The following MORC1 variants were observed in gnomAD, a reference collection of about 807,000 sequenced individuals.
MORC1 encodes the protein MORC family CW-type zinc finger protein 1.
MORC1 carries 59 observed loss-of-function variants against 134.9 expected under a neutral mutation model. The ratio of observed to expected loss-of-function variants is 0.44; its 90% CI spans 0.35 to 0.54. The LOEUF is 0.54. Ranked by LOEUF, MORC1 falls within the 20% of genes least tolerant of loss-of-function variation. The pLI, the probability that MORC1 is intolerant of heterozygous loss-of-function variation, is 0.00. For synonymous variants in MORC1, 395 were observed against 391.7 expected, an observed-to-expected ratio of 1.01 and a Z score of -0.10; for missense variants, 947 against 1,134.5, an observed-to-expected ratio of 0.83 and a Z score of 2.37.
At chr3:109,019,032 C>T (rs1192694911) in intron 17 of MORC1, 1 of 152,182 alleles carries the variant, frequency 6.6e-6, no homozygotes, top group African/African-American at 2.4e-5. Context: ...AATGCTGCGC[C>T]TCCTCGTGGT....
At chr3:109,007,938 T>C (rs183378799) in intron 17 of MORC1, among the ~76,000 whole-genome samples, 6 of 150,706 alleles carry the variant, frequency 4.0e-5, no homozygotes, top group East Asian at 3.9e-4. Context: ...TAAGCACATA[T>C]ATATGTGTGT....
intron 25 of MORC1, 76 bp downstream of exon 25, chr3:108,971,254 A>C: frequency 7.4e-7 from 1 of 1,352,496 alleles, no homozygotes; most frequent in Non-Finnish European, 1.1e-6. Flanking sequence ...TCTTATTGGA[A>C]ACACTTTACA....
At chr3:108,960,710 C>G (rs1947056970) in intron 27 of MORC1, among the ~76,000 whole-genome samples, 1 of 151,956 alleles carries the variant, frequency 6.6e-6, no homozygotes, top group African/African-American at 2.4e-5. Context: ...CTGCTTATTC[C>G]TCTCATCAGA....
chr3:109,069,489 C>A lies in MORC1; in HGVS notation c.815+143G>T, dbSNP rs76049377. The A allele has an allele frequency of 1.6e-3, 1,166 of 748,632 alleles. 20 individuals carry two copies. The African/African-American group carries it at 0.018, about 12-fold the overall frequency. 46.4% of individuals were successfully genotyped at this position (748,632 alleles called of 1,614,324 possible). A position where few individuals can be genotyped will look rare whatever the true frequency, so the allele number is the denominator to read the frequency against. On this transcript the variant is annotated intron_variant, in intron 9 of 27. Transcript: ENST00000232603. ...TTCACATCCAATTACTCTTTAGCAT[C>A]CCTTCCTGGATGTGGTTTAAATTTT...
chr3:109,075,259 T>C (rs79228649), intron 8 of MORC1, among the ~76,000 whole-genome samples: 177 of 152,296 alleles, frequency 1.2e-3, no homozygotes, highest in African/African-American at 4.0e-3. Context: ...TAAGAATACA[T>C]ATTATTCTCC....
rs758232998 is a variant in MORC1 at position 109,000,707 on chromosome 3, T to C, written c.2086-49A>G. On this transcript the variant is annotated intron_variant, in intron 20 of 27. Coordinates refer to ENST00000232603, the MANE Select transcript of MORC1 (RefSeq NM_014429.4). ...AAATACAAGGATTAGTGGCAATCAA[T>C]GGTACATACTAAACTACCTTCACTC... 2.0e-5 allele frequency: 27 copies of C among 1,348,698 alleles called. 1 individual carries two copies. Among genetic ancestry groups the C allele is most frequent in the South Asian group, 1.6e-4 (13 of 81,504 alleles). The allele number at this position is 1,348,698 out of a possible 1,614,324, so 83.5% of individuals were successfully genotyped here.
intron 18 of MORC1, among the ~76,000 whole-genome samples, chr3:109,006,502 G>A (rs892580170): frequency 6.6e-6 from 1 of 152,162 alleles, no homozygotes; most frequent in Non-Finnish European, 1.5e-5. Flanking sequence ...TCGTCTGCCT[G>A]TTAAGAAATG....
At chr3:109,017,096 T>C (rs1446652244) in intron 17 of MORC1, among the ~76,000 whole-genome samples, 1 of 152,192 alleles carries the variant, frequency 6.6e-6, no homozygotes, top group Non-Finnish European at 1.5e-5. Flanking sequence ...GTCTATTTCT[T>C]TACTTTCCAT....
chr3:109,108,757 G>A (rs897041513), intron 3 of MORC1, among the ~76,000 whole-genome samples: 5 of 152,184 alleles, frequency 3.3e-5, no homozygotes, highest in East Asian at 1.9e-4. Flanking sequence ...AAAATTAGCC[G>A]GGCATGGTGG....
chr3:109,049,816 T>C (rs1949779371), intron 14 of MORC1, among the ~76,000 whole-genome samples: 1 of 152,180 alleles, frequency 6.6e-6, no homozygotes, highest in Non-Finnish European at 1.5e-5. Context: ...AAGATGAGGA[T>C]CCCATTTCAG....
At chr3:109,040,844 A>AAG (rs1559913316) in intron 14 of MORC1, among the ~76,000 whole-genome samples, 1 of 122,788 alleles carries the variant, frequency 8.1e-6, no homozygotes. Flanking sequence ...AAAAAAAAAA[A>AAG]AAAAAAGAAA....
At chr3:109,066,303 TGAGACA>T (rs1950194509) in intron 9 of MORC1, among the ~76,000 whole-genome samples, 1 of 151,584 alleles carries the variant, frequency 6.6e-6, no homozygotes, top group Non-Finnish European at 1.5e-5. Flanking sequence ...TTTTTTTTTC[TGAGACA>T]GAGTTTCACT....
chr3:109,054,177 G>A (rs574967885), intron 14 of MORC1, among the ~76,000 whole-genome samples: 1 of 152,064 alleles, frequency 6.6e-6, no homozygotes, highest in South Asian at 2.1e-4. Flanking sequence ...AGCCACTCGG[G>A]AGGCTGAGGC....
At position 109,005,094 on chromosome 3, in the gene MORC1, AT is replaced by A; in HGVS notation, c.1988del (p.Asn663MetfsTer4). On this transcript the variant is annotated frameshift_variant, in exon 19 of 28. Coordinates refer to ENST00000232603, the MANE Select transcript of MORC1 (RefSeq NM_014429.4). LOFTEE classifies it high-confidence loss of function. ...QQRIPVALPE[N>X]VKLAERSQRS... The stretch of plus-strand genomic sequence containing the variant: ...CCTGGGATCTCTCAGCTAGTTTGAC[AT>A]TTTCTGGCAGAGCTACTGGAATTCT... 6.2e-7 allele frequency: 1 copy of A among 1,611,326 alleles called. No homozygotes were observed. The highest frequency in any genetic ancestry group is 8.5e-7 in the Non-Finnish European group (1 of 1,179,198).
chr3:108,973,412 G>A (rs1365755009), intron 24 of MORC1, among the ~76,000 whole-genome samples: 1 of 152,110 alleles, frequency 6.6e-6, no homozygotes, highest in Non-Finnish European at 1.5e-5. Context: ...AGTGATAAAG[G>A]AAGAGTGGGA....
At chr3:109,024,811 T>C (rs1949036726) in intron 17 of MORC1, among the ~76,000 whole-genome samples, 1 of 152,222 alleles carries the variant, frequency 6.6e-6, no homozygotes, top group African/African-American at 2.4e-5. Context: ...CAGTTCTTGA[T>C]TTTTTCAGTG....
chr3:108,996,965 G>A lies in MORC1; in HGVS notation c.2187+3592C>T, dbSNP rs188611869. 2.9e-3 allele frequency among the ~76,000 whole-genome samples: 400 copies of A among 138,698 alleles called. 1 individual carries two copies. Among genetic ancestry groups the A allele is most frequent in the African/African-American group, 9.1e-3 (333 of 36,724 alleles). The allele number at this position is 138,698 out of a possible 152,430, so 91.0% of individuals were successfully genotyped here. A position where few individuals can be genotyped will look rare whatever the true frequency, so the allele number is the denominator to read the frequency against. On this transcript the variant is annotated intron_variant, in intron 21 of 27. Coordinates refer to ENST00000232603, the MANE Select transcript of MORC1 (RefSeq NM_014429.4). Reference sequence around the variant, plus strand: ...GCAGAGCTTGCAGTGAGCCAAGATCGCGCCACTGCACTCTAGCCTGGGTGA... The same window carrying A: ...GCAGAGCTTGCAGTGAGCCAAGATCACGCCACTGCACTCTAGCCTGGGTGA...
At chr3:108,963,187 CAAAA>C (rs34109895) in intron 27 of MORC1, among the ~76,000 whole-genome samples, 1 of 112,266 alleles carries the variant, frequency 8.9e-6, no homozygotes, top group Non-Finnish European at 1.9e-5. Flanking sequence ...GACTCCATCT[CAAAA>C]AAAAAAAAAA....
At chr3:109,068,954 G>C (rs1950257262) in intron 9 of MORC1, among the ~76,000 whole-genome samples, 1 of 152,188 alleles carries the variant, frequency 6.6e-6, no homozygotes, top group East Asian at 1.9e-4. Context: ...TCAGGAGTTT[G>C]AGACCAGCCT....
Sources: gnomAD v4.1 joint callset for allele counts (sites outside exome capture counted in the v4.1 genomes callset) on GRCh38, gnomAD v4.1.1 for gene constraint, MANE v1.5 for transcripts, NCBI Gene and HGNC (gene_info 2026-07-23, HGNC 2026-07-21) for gene names.